The following RCSD1 variants were observed in gnomAD, a reference collection of about 807,000 sequenced individuals.
The protein encoded by RCSD1 is capZ-interacting protein.
RCSD1 carries 26 observed loss-of-function variants against 42.5 expected under a neutral mutation model. That is an observed-to-expected ratio of 0.61 (90% CI 0.45 to 0.85). The LOEUF (loss-of-function observed/expected upper bound fraction) is 0.85. Ranked by LOEUF, RCSD1 falls within the 40% of genes least tolerant of loss-of-function variation. RCSD1 has a pLI of 0.00. For synonymous variants in RCSD1, 220 were observed against 212.2 expected (o/e 1.04, Z -0.32); for missense variants, 571 against 528.3 (o/e 1.08, Z -0.79).
intron 3 of RCSD1, 60 bp from the exon 4 acceptor site, chr1:167,689,989 A>G (rs1659336142): frequency 1.9e-6 from 3 of 1,552,166 alleles, no homozygotes; most frequent in Non-Finnish European, 2.7e-6. Context: ...TTGGGTTCCA[A>G]CCAGAACCCC....
At chr1:167,654,910 C>T (rs1391680940) in intron 1 of RCSD1, among the ~76,000 whole-genome samples, 4 of 152,010 alleles carry the variant, frequency 2.6e-5, no homozygotes, top group African/African-American at 9.7e-5. Context: ...AGACAGAATC[C>T]GACATTACCT....
intron 2 of RCSD1, 103 bp downstream of exon 2, chr1:167,684,104 C>A: frequency 2.2e-6 from 2 of 900,120 alleles, no homozygotes; most frequent in Non-Finnish European, 3.5e-6. Flanking sequence ...TGGTAGTTAC[C>A]AAATTAGGAA....
chr1:167,690,125 G>A lies in RCSD1; in HGVS notation c.270+5G>A. ...CCTCTGATTGAGAAGCTTCAGGTAA[G>A]TGCAGAATTCATTGTCTATTGCTAC... On this transcript the variant is annotated splice_donor_5th_base_variant and intron_variant, in intron 4 of 6. Coordinates refer to ENST00000367854, the MANE Select transcript of RCSD1 (RefSeq NM_052862.4). 5.0e-6 allele frequency: 8 copies of A among 1,613,818 alleles called. No homozygotes were observed. Among genetic ancestry groups the A allele is most frequent in the Non-Finnish European group, 6.8e-6 (8 of 1,179,812 alleles).
At chr1:167,677,290 C>T (rs1341233719) in intron 1 of RCSD1, among the ~76,000 whole-genome samples, 7 of 152,178 alleles carry the variant, frequency 4.6e-5, no homozygotes, top group African/African-American at 1.4e-4. Context: ...AATGACCCGA[C>T]AATGTGGATG....
chr1:167,703,873 C>T (rs1314494169), intron 6 of RCSD1, among the ~76,000 whole-genome samples: 1 of 152,150 alleles, frequency 6.6e-6, no homozygotes, highest in African/African-American at 2.4e-5. Context: ...TTTAACCCAG[C>T]CCTCACTGGT....
In RCSD1 at chr1:167,697,440, C is replaced by A; in HGVS notation, c.816C>A (p.Asp272Glu). Residue 272 changes from aspartate (D) to glutamate (E), a missense_variant, in exon 6 of 7, where the codon GAC becomes GAA. Transcript: ENST00000367854. The stretch of plus-strand genomic sequence containing the variant: ...CCAGGCGGAGTTCAGAGGAGGTGGA[C>A]GGCCAGCACCCGGCCCAAGAGGAGG... ...EKARRSSEEV[D>E]GQHPAQEEVP... 1 of 1,611,854 alleles carries A rather than the reference C, an allele frequency of 6.2e-7. No homozygotes were observed. The highest frequency in any genetic ancestry group is 8.5e-7 in the Non-Finnish European group (1 of 1,179,110).
At chr1:167,673,433 C>T (rs1658861294) in intron 1 of RCSD1, among the ~76,000 whole-genome samples, 1 of 152,208 alleles carries the variant, frequency 6.6e-6, no homozygotes, top group Non-Finnish European at 1.5e-5. Flanking sequence ...ACAGCTTTCA[C>T]CAAGCACTTC....
intron 3 of RCSD1, among the ~76,000 whole-genome samples, chr1:167,685,725 T>C (rs138082053): frequency 1.3e-5 from 2 of 152,316 alleles, no homozygotes; most frequent in African/African-American, 4.8e-5. Flanking sequence ...CTGAGGCTCC[T>C]TTATGATTTG....
chr1:167,700,650 CAAA>C (rs1199114073), intron 6 of RCSD1, among the ~76,000 whole-genome samples: 6 of 88,934 alleles, frequency 6.7e-5, no homozygotes, highest in Admixed American at 1.2e-4. Flanking sequence ...GATTCCGTCT[CAAA>C]AAAAAAAAAA....
At chr1:167,670,345 C>A (rs908600145) in intron 1 of RCSD1, among the ~76,000 whole-genome samples, 33 of 131,210 alleles carry the variant, frequency 2.5e-4, no homozygotes, top group Admixed American at 8.0e-5. Context: ...CCCACTCTTT[C>A]CCTTTGCAAA....
At chr1:167,642,038 T>A (rs1658018054) in intron 1 of RCSD1, 1 of 152,208 alleles carries the variant, frequency 6.6e-6, no homozygotes, top group Admixed American at 6.5e-5. Context: ...CCCCTTTGCT[T>A]GTTGTCATGG....
chr1:167,665,330 TG>T (rs1434892415), intron 1 of RCSD1, among the ~76,000 whole-genome samples: 1 of 149,744 alleles, frequency 6.7e-6, no homozygotes, highest in African/African-American at 2.4e-5. Context: ...TATTCCATAA[TG>T]TACGTATAAC....
chr1:167,668,887 G>A (rs3753924), intron 1 of RCSD1, among the ~76,000 whole-genome samples: 40,438 of 151,996 alleles, frequency 0.27, 6,013 homozygotes, highest in East Asian at 0.56. Context: ...TTCAGATTGT[G>A]CTGTCTGTAT....
intron 6 of RCSD1, among the ~76,000 whole-genome samples, chr1:167,700,511 C>T (rs1659613309): frequency 1.3e-5 from 2 of 152,004 alleles, no homozygotes; most frequent in South Asian, 2.1e-4. Flanking sequence ...ATTAGCCAGG[C>T]GTGGTTGTGG....
At chr1:167,635,942 G>A (rs758134109) in intron 1 of RCSD1, among the ~76,000 whole-genome samples, 16 of 152,340 alleles carry the variant, frequency 1.1e-4, no homozygotes, top group Non-Finnish European at 1.9e-4. Context: ...TAGCAGCAAA[G>A]TTTCAGTAAT....
chr1:167,635,913 G>C (rs1204831527), intron 1 of RCSD1, among the ~76,000 whole-genome samples: 2 of 152,180 alleles, frequency 1.3e-5, no homozygotes, highest in Non-Finnish European at 2.9e-5. Flanking sequence ...TCAGAAGTAA[G>C]ACAGAAGGAT....
At chr1:167,675,213 A>G (rs1320041544) in intron 1 of RCSD1, among the ~76,000 whole-genome samples, 8 of 149,442 alleles carry the variant, frequency 5.4e-5, no homozygotes, top group African/African-American at 2.0e-4. Context: ...CTCGGAAAAA[A>G]AAAAAAAAAA....
At chr1:167,683,131 G>A (rs542748088) in intron 1 of RCSD1, among the ~76,000 whole-genome samples, 1 of 152,264 alleles carries the variant, frequency 6.6e-6, no homozygotes, top group East Asian at 1.9e-4. Flanking sequence ...GGACAGCCAC[G>A]GTAAACTGAT....
At chr1:167,671,423 C>A (rs1370224710) in intron 1 of RCSD1, among the ~76,000 whole-genome samples, 2 of 152,162 alleles carry the variant, frequency 1.3e-5, no homozygotes, top group South Asian at 2.1e-4. Context: ...TCTTTCTTGC[C>A]ATTTCACCCC....
Sources: allele counts gnomAD v4.1 joint callset (sites outside exome capture counted in the v4.1 genomes callset), GRCh38; gene constraint gnomAD v4.1.1; transcripts MANE v1.5; gene names NCBI Gene and HGNC (gene_info 2026-07-23, HGNC 2026-07-21).